The following PRKCA variants were observed in gnomAD, a reference collection of about 807,000 sequenced individuals.
The protein encoded by PRKCA is protein kinase C alpha type.
PRKCA carries 27 observed loss-of-function variants against 87.0 expected under a neutral mutation model. The ratio of observed to expected loss-of-function variants is 0.31; its 90% CI spans 0.23 to 0.43. The LOEUF (loss-of-function observed/expected upper bound fraction) is 0.43. PRKCA is among the 20% of genes least tolerant of loss of function. The pLI is 1.00. For synonymous variants in PRKCA, 329 were observed against 311.1 expected, an observed-to-expected ratio of 1.06 and a Z score of -0.61; for missense variants, 518 against 852.3, an observed-to-expected ratio of 0.61 and a Z score of 4.88.
intron 2 of PRKCA, among the ~76,000 whole-genome samples, chr17:66,441,483 T>G (rs560209073): frequency 6.6e-6 from 1 of 152,304 alleles, no homozygotes; most frequent in Non-Finnish European, 1.5e-5. Context: ...TTTCTAAAAA[T>G]GAACTGAAAC....
At chr17:66,737,937 A>G (rs1974073873) in intron 10 of PRKCA, among the ~76,000 whole-genome samples, 1 of 152,244 alleles carries the variant, frequency 6.6e-6, no homozygotes, top group Non-Finnish European at 1.5e-5. Flanking sequence ...GGCTATTAGC[A>G]CCAGCTTCAT....
At chr17:66,321,277 G>A (rs1395536032) in intron 2 of PRKCA, among the ~76,000 whole-genome samples, 1 of 152,000 alleles carries the variant, frequency 6.6e-6, no homozygotes, top group Admixed American at 6.6e-5. Flanking sequence ...TTTCCCTGGG[G>A]GAGTCTCTTG....
chr17:66,353,452 A>G lies in PRKCA; in HGVS notation c.205+47325A>G, dbSNP rs1268013552. Reference sequence around the variant, plus strand: ...ACCAAGGCACTGGGCATGGTGACTCATACCTGTAATCCCAGCACTTTGGGA... The same window carrying G: ...ACCAAGGCACTGGGCATGGTGACTCGTACCTGTAATCCCAGCACTTTGGGA... On this transcript the variant is annotated intron_variant, in intron 2 of 16. Coordinates refer to ENST00000413366, the MANE Select transcript of PRKCA (RefSeq NM_002737.3). Among the ~76,000 whole-genome samples the G allele has an allele frequency of 3.3e-5, 5 of 152,190 alleles. No homozygotes were observed. In the East Asian group the frequency reaches 7.7e-4, roughly 23 times the overall value.
intron 3 of PRKCA, among the ~76,000 whole-genome samples, chr17:66,622,786 G>C (rs1430844754): frequency 6.6e-6 from 1 of 152,232 alleles, no homozygotes; most frequent in African/African-American, 2.4e-5. Context: ...AGATGAGAAA[G>C]AATCAAAAGT....
Position 66,805,938 on chromosome 17 carries a change from C to T in PRKCA, c.*1901C>T, listed in dbSNP as rs993946064. The T allele has an allele frequency of 2.6e-5, 4 of 152,288 alleles. No individual in the cohort carries two copies. Among genetic ancestry groups the T allele is most frequent in the East Asian group, 1.9e-4 (1 of 5,194 alleles). 9.4% of individuals were successfully genotyped at this position (152,288 alleles called of 1,614,324 possible). On this transcript the variant is annotated 3_prime_UTR_variant, in exon 17 of 17. Coordinates refer to ENST00000413366, the MANE Select transcript of PRKCA (RefSeq NM_002737.3). Reference sequence around the variant, plus strand: ...TCTTGCTGCCTCTGCAACGACCTGTCGTTTGCTCCAGCATGCACAAACTTC... The same window carrying T: ...TCTTGCTGCCTCTGCAACGACCTGTTGTTTGCTCCAGCATGCACAAACTTC...
intron 2 of PRKCA, among the ~76,000 whole-genome samples, chr17:66,447,394 G>A (rs1391953131): frequency 6.6e-6 from 1 of 152,172 alleles, no homozygotes; most frequent in Non-Finnish European, 1.5e-5. Flanking sequence ...GTCCTCTTGT[G>A]CAGCTGACAC....
intron 13 of PRKCA, among the ~76,000 whole-genome samples, chr17:66,759,858 G>T (rs572176657): frequency 6.6e-6 from 1 of 152,208 alleles, no homozygotes; most frequent in Non-Finnish European, 1.5e-5. Context: ...TGATAAAGGG[G>T]TCAAGTCTCC....
chr17:66,503,048 T>C (rs1258592175), intron 3 of PRKCA, among the ~76,000 whole-genome samples: 1 of 152,224 alleles, frequency 6.6e-6, no homozygotes, highest in Non-Finnish European at 1.5e-5. Flanking sequence ...AGCAACTGTT[T>C]ACACATAATC....
chr17:66,566,969 T>A (rs186867269), intron 3 of PRKCA, among the ~76,000 whole-genome samples: 12 of 152,254 alleles, frequency 7.9e-5, no homozygotes, highest in Non-Finnish European at 1.2e-4. Flanking sequence ...AAGAAATTTA[T>A]CCCATAGATA....
chr17:66,402,237 G>A (rs1022303150), intron 2 of PRKCA, among the ~76,000 whole-genome samples: 6 of 152,128 alleles, frequency 3.9e-5, no homozygotes, highest in African/African-American at 1.2e-4. Flanking sequence ...GTTTGGCAGC[G>A]TGGAGATACC....
At chr17:66,410,750 A>G (rs1337861976) in intron 2 of PRKCA, among the ~76,000 whole-genome samples, 2 of 151,912 alleles carry the variant, frequency 1.3e-5, no homozygotes, top group African/African-American at 4.8e-5. Flanking sequence ...TAATTTTTGT[A>G]TTTTTAGTAG....
At chr17:66,684,117 T>C (rs1034032510) in intron 5 of PRKCA, among the ~76,000 whole-genome samples, 28 of 152,216 alleles carry the variant, frequency 1.8e-4, no homozygotes, top group African/African-American at 6.3e-4. Context: ...CTGTACTGTT[T>C]TCCCCGGCAT....
At chr17:66,503,501 T>C (rs1309639767) in intron 3 of PRKCA, among the ~76,000 whole-genome samples, 1 of 152,176 alleles carries the variant, frequency 6.6e-6, no homozygotes, top group Non-Finnish European at 1.5e-5. Context: ...TCAGTGAAGA[T>C]CATAAAACTG....
intron 3 of PRKCA, among the ~76,000 whole-genome samples, chr17:66,543,906 A>G (rs1968064682): frequency 6.6e-6 from 1 of 152,160 alleles, no homozygotes; most frequent in Admixed American, 6.5e-5. Flanking sequence ...CAGGCCCCAT[A>G]ATTGTACAGA....
chr17:66,377,610 AATGTCTATATTATATAT>A (rs1598625266), intron 2 of PRKCA, among the ~76,000 whole-genome samples: 4 of 144,780 alleles, frequency 2.8e-5, no homozygotes, highest in South Asian at 4.2e-4. Flanking sequence ...TTATATATAT[AATGTCTATATTATATAT>A]ATGTCTATAT....
intron 3 of PRKCA, among the ~76,000 whole-genome samples, chr17:66,613,182 C>G (rs1458965399): frequency 6.6e-6 from 1 of 152,136 alleles, no homozygotes; most frequent in Admixed American, 6.5e-5. Context: ...ACAGATGCAG[C>G]GGAGCCTTGA....
At chr17:66,616,838 G>A (rs1436635147) in intron 3 of PRKCA, among the ~76,000 whole-genome samples, 7 of 151,972 alleles carry the variant, frequency 4.6e-5, no homozygotes, top group Non-Finnish European at 2.9e-5. Context: ...AGAGGAGGGA[G>A]AGGGGGCTGG....
In PRKCA at chr17:66,728,011, G is replaced by A. The variant is rs185156351; in HGVS notation, c.919-4677G>A. ...AGACTGAAAGTGGGACTTGCTCAAA[G>A]CCGGCCCAGACCCCTGAGGTTGCCG... On this transcript the variant is annotated intron_variant, in intron 8 of 16. Coordinates refer to ENST00000413366, the MANE Select transcript of PRKCA (RefSeq NM_002737.3). Among the ~76,000 whole-genome samples, 666 of 152,312 alleles carry A rather than the reference G, an allele frequency of 4.4e-3. 13 individuals carry two copies. Among genetic ancestry groups the A allele is most frequent in the Admixed American group, 0.041 (629 of 15,302 alleles).
At chr17:66,386,404 G>A (rs937546215) in intron 2 of PRKCA, among the ~76,000 whole-genome samples, 1 of 152,292 alleles carries the variant, frequency 6.6e-6, no homozygotes, top group East Asian at 1.9e-4. Flanking sequence ...AATATCCTTT[G>A]ACTGCCTGGA....
Sources: gnomAD v4.1 joint callset for allele counts (sites outside exome capture counted in the v4.1 genomes callset) on GRCh38, gnomAD v4.1.1 for gene constraint, MANE v1.5 for transcripts, NCBI Gene and HGNC (gene_info 2026-07-23, HGNC 2026-07-21) for gene names.